The following PAMR1 variants were observed in gnomAD, a reference collection of about 807,000 sequenced individuals.
The protein encoded by PAMR1 is peptidase domain containing associated with muscle regeneration 1, also known as inactive serine protease PAMR1.
Under a neutral mutation model 81.8 loss-of-function variants are expected in PAMR1, and 88 were observed. That is an observed-to-expected ratio of 1.08 (90% confidence interval 0.91 to 1.28). The LOEUF is 1.28. Ranked by LOEUF, PAMR1 falls within the 50% of genes most tolerant of loss-of-function variation. The probability of loss-of-function intolerance (pLI) is 0.00; values close to 1 mark genes in which losing one functional copy is unlikely to be tolerated. For missense variants in PAMR1, 935 were observed against 919.7 expected, an observed-to-expected ratio of 1.02 and a Z score of -0.21; for synonymous variants, 336 against 345.3, an observed-to-expected ratio of 0.97 and a Z score of 0.30.
chr11:35,491,147 C>G (rs1267964003), intron 3 of PAMR1, among the ~76,000 whole-genome samples: 1 of 152,174 alleles, frequency 6.6e-6, no homozygotes, highest in Non-Finnish European at 1.5e-5. Flanking sequence ...ACTGAACTCC[C>G]CAGTTCACCT....
intron 1 of PAMR1, among the ~76,000 whole-genome samples, chr11:35,515,415 A>G (rs1233485584): frequency 5.3e-5 from 8 of 152,326 alleles, no homozygotes; most frequent in Non-Finnish European, 7.3e-5. Flanking sequence ...GGTATGTCCA[A>G]TGGGTCCCGA....
intron 1 of PAMR1, among the ~76,000 whole-genome samples, chr11:35,503,281 AGCTT>A (rs1230286036): frequency 7.3e-5 from 9 of 122,698 alleles, no homozygotes; most frequent in African/African-American, 2.7e-4. Flanking sequence ...TGATGTCTCC[AGCTT>A]TTTTTTTTTT....
chr11:35,526,832 A>T (rs1358579461), upstream of PAMR1, among the ~76,000 whole-genome samples: 1 of 152,090 alleles, frequency 6.6e-6, no homozygotes, highest in African/African-American at 2.4e-5. Context: ...CATGGGAGGG[A>T]CCAGGTGGAG....
Position 35,468,085 on chromosome 11 carries a change from G to A in PAMR1, c.736C>T (p.His246Tyr). 6.4e-7 allele frequency: 1 copy of A among 1,553,702 alleles called. No homozygotes were observed. Among genetic ancestry groups the A allele is most frequent in the Non-Finnish European group, 8.7e-7 (1 of 1,147,548 alleles). Residue 246 changes from histidine (H) to tyrosine (Y), a missense_variant, in exon 6 of 11, where the codon CAT (histidine) becomes TAT (tyrosine). Physicochemically the swap from His to Tyr is moderately conservative, Grantham distance 83 (BLOSUM62 2). Transcript: ENST00000619888. ...TTGTCAAGGACGCACGTGCCGTCAT[G>A]GAAACAAGGGGATGAGGAGCATGCT... ...ITACSSSPCF[H>Y]DGTCVLDKAG...
intron 1 of PAMR1, among the ~76,000 whole-genome samples, chr11:35,514,213 TA>T (rs1437978836): frequency 6.6e-6 from 1 of 152,096 alleles, no homozygotes; most frequent in African/African-American, 2.4e-5. Context: ...ACAATGAGCA[TA>T]AAGGGTTTTT....
intron 1 of PAMR1, among the ~76,000 whole-genome samples, chr11:35,512,688 A>C (rs1851094858): frequency 6.6e-6 from 1 of 152,072 alleles, no homozygotes; most frequent in African/African-American, 2.4e-5. Flanking sequence ...AGTATACAAA[A>C]CCTAATAAAA....
intron 5 of PAMR1, 145 bp from the exon 6 acceptor site, chr11:35,468,253 ATTTGAAAATGCCT>A: frequency 3.4e-6 from 2 of 581,912 alleles, no homozygotes; most frequent in Middle Eastern, 2.8e-4. Flanking sequence ...TGTTATGATT[ATTTGAAAATGCCT>A]AAAATAGATA....
chr11:35,503,283 C>CTTTTTT (rs35661071), intron 1 of PAMR1, among the ~76,000 whole-genome samples: 1 of 139,774 alleles, frequency 7.2e-6, no homozygotes, highest in Non-Finnish European at 1.5e-5. Flanking sequence ...ATGTCTCCAG[C>CTTTTTT]TTTTTTTTTT....
intron 5 of PAMR1, among the ~76,000 whole-genome samples, chr11:35,469,710 AC>A (rs1427007772): frequency 1.3e-5 from 2 of 152,204 alleles, no homozygotes; most frequent in Non-Finnish European, 2.9e-5. Flanking sequence ...TTATTCAGCC[AC>A]CCACCTTCTT....
At chr11:35,446,040 T>C (rs1590323182) in intron 6 of PAMR1, among the ~76,000 whole-genome samples, 1 of 152,352 alleles carries the variant, frequency 6.6e-6, no homozygotes, top group East Asian at 1.9e-4. Flanking sequence ...GGGATTCAAA[T>C]TCTTCCTGGT....
At chr11:35,474,602 C>T in intron 4 of PAMR1, 28 bp downstream of exon 4, 1 of 1,334,880 alleles carries the variant, frequency 7.5e-7, no homozygotes, top group Non-Finnish European at 1.1e-6. Context: ...TAACCTCAGA[C>T]TCCTGACTTC....
rs1350933898 is a variant in PAMR1, at chr11:35,439,622, C to T, written c.1100+5G>A. On this transcript the variant is annotated splice_donor_5th_base_variant and intron_variant, in intron 8 of 10. Coordinates refer to ENST00000619888, the MANE Select transcript of PAMR1 (RefSeq NM_001001991.3). Reference sequence around the variant, plus strand: ...CAGGGCAGAGTGCAGGTGTTTTGACCTCACCTTGACTGAACCTGCATCGGA... The same window carrying T: ...CAGGGCAGAGTGCAGGTGTTTTGACTTCACCTTGACTGAACCTGCATCGGA... The T allele has an allele frequency of 6.2e-7, 1 of 1,611,322 alleles. No individual in the cohort carries two copies.
At chr11:35,519,003 C>T (rs1244085672) in intron 1 of PAMR1, among the ~76,000 whole-genome samples, 1 of 152,140 alleles carries the variant, frequency 6.6e-6, no homozygotes, top group African/African-American at 2.4e-5. Context: ...GCTGCCAAAC[C>T]ACTAACTCAA....
intron 3 of PAMR1, among the ~76,000 whole-genome samples, chr11:35,480,603 G>C (rs996107560): frequency 6.6e-6 from 1 of 151,736 alleles, no homozygotes; most frequent in African/African-American, 2.4e-5. Flanking sequence ...ATTTCCAGTT[G>C]GTTTCTTTTT....
chr11:35,476,675 G>A (rs1422929293), intron 3 of PAMR1, among the ~76,000 whole-genome samples: 1 of 152,084 alleles, frequency 6.6e-6, no homozygotes, highest in African/African-American at 2.4e-5. Context: ...CGAACATACT[G>A]TTGTCCACCT....
intron 1 of PAMR1, among the ~76,000 whole-genome samples, chr11:35,508,194 C>A (rs1331263855): frequency 6.6e-6 from 1 of 152,114 alleles, no homozygotes; most frequent in Non-Finnish European, 1.5e-5. Context: ...TGTCAAAGAA[C>A]CCAAGATGGT....
At chr11:35,436,843 A>G (rs1856058289) in intron 8 of PAMR1, among the ~76,000 whole-genome samples, 1 of 152,226 alleles carries the variant, frequency 6.6e-6, no homozygotes, top group Non-Finnish European at 1.5e-5. Flanking sequence ...TACATTATAC[A>G]TGCACACACA....
intron 1 of PAMR1, among the ~76,000 whole-genome samples, chr11:35,499,544 C>A (rs370489678): frequency 6.6e-6 from 1 of 152,182 alleles, no homozygotes; most frequent in Admixed American, 6.5e-5. Context: ...CCTGTTTCCC[C>A]CTAAGCAGCA....
At chr11:35,467,958 G>T in intron 6 of PAMR1, 43 bp downstream of exon 6, 1 of 1,206,956 alleles carries the variant, frequency 8.3e-7, no homozygotes, top group Non-Finnish European at 1.2e-6. Context: ...TTCCATACCA[G>T]CCCCATCTGA....
Sources: gnomAD v4.1 joint callset for allele counts (sites outside exome capture counted in the v4.1 genomes callset) on GRCh38, gnomAD v4.1.1 for gene constraint, MANE v1.5 for transcripts, NCBI Gene and HGNC (gene_info 2026-07-23, HGNC 2026-07-21) for gene names.